DSCAM: variants seen among roughly 807,000 people sequenced by gnomAD.
DSCAM encodes cell adhesion molecule DSCAM.
In DSCAM, 47 loss-of-function variants were observed where a neutral mutation model predicts 217.7. That is an observed-to-expected ratio of 0.22 (90% CI 0.17 to 0.28). The LOEUF is 0.28. DSCAM is among the 10% of genes least tolerant of loss of function. The pLI, the probability that DSCAM is intolerant of heterozygous loss-of-function variation, is 1.00. For missense variants in DSCAM, 2,080 were observed against 2,618.3 expected (o/e 0.79, Z 4.49); for synonymous variants, 1,056 against 1,015.3 (o/e 1.04, Z -0.76).
chr21:40,467,308 A>G (rs563516039), intron 3 of DSCAM, among the ~76,000 whole-genome samples: 86 of 152,332 alleles, frequency 5.6e-4, no homozygotes, highest in African/African-American at 1.9e-3. Context: ...AATCCCCACA[A>G]TCTTCTTAAA....
At position 40,097,723 on chromosome 21, in the gene DSCAM, C is replaced by T. The variant is rs530521456; in HGVS notation, c.3697-3849G>A. Among the ~76,000 whole-genome samples the T allele has an allele frequency of 6.6e-5, 10 of 151,776 alleles. No homozygotes were observed. The South Asian group carries it at 8.3e-4, about 13-fold the overall frequency. On this transcript the variant is annotated intron_variant, in intron 20 of 32. Transcript: ENST00000400454. Reference sequence around the variant, plus strand: ...GTGGGAGGCCGAGGCAGGTGGATCACGAGGTCAGGAGATTAAGACCATCCT... The same window carrying T: ...GTGGGAGGCCGAGGCAGGTGGATCATGAGGTCAGGAGATTAAGACCATCCT...
intron 6 of DSCAM, among the ~76,000 whole-genome samples, chr21:40,346,248 C>T (rs908696525): frequency 2.0e-5 from 3 of 152,206 alleles, no homozygotes; most frequent in African/African-American, 7.2e-5. Context: ...CAGTGTCAGG[C>T]ATTTAATATG....
chr21:40,382,910 T>G (rs933976548), intron 3 of DSCAM, among the ~76,000 whole-genome samples: 1 of 152,224 alleles, frequency 6.6e-6, no homozygotes, highest in Non-Finnish European at 1.5e-5. Context: ...CCAAGTTACC[T>G]AAAAGGCTAA....
At chr21:40,819,387 T>C (rs2091908803) in intron 1 of DSCAM, among the ~76,000 whole-genome samples, 1 of 152,152 alleles carries the variant, frequency 6.6e-6, no homozygotes, top group African/African-American at 2.4e-5. Flanking sequence ...GCAGTCTATG[T>C]CGTCAAAACA....
At chr21:40,191,006 C>G (rs2146834540) in intron 11 of DSCAM, among the ~76,000 whole-genome samples, 1 of 152,328 alleles carries the variant, frequency 6.6e-6, no homozygotes, top group Non-Finnish European at 1.5e-5. Flanking sequence ...CTTTTTATCT[C>G]ATTTCCCCAA....
chr21:40,376,558 C>CT lies in DSCAM; in HGVS notation c.509-7314dup, dbSNP rs1240208582. Among the ~76,000 whole-genome samples the CT allele has an allele frequency of 4.4e-4, 46 of 105,224 alleles. 2 individuals carry two copies. The highest frequency in any genetic ancestry group is 1.5e-3 in the Admixed American group (14 of 9,062). The allele number at this position is 105,224 out of a possible 152,430, so 69.0% of individuals were successfully genotyped here. A position where few individuals can be genotyped will look rare whatever the true frequency, so the allele number is the denominator to read the frequency against. ...ATATCGATATATCTTATATCGATAT[C>CT]TATATATCTTATATCGATATCTATA... On this transcript the variant is annotated intron_variant, in intron 3 of 32. Transcript: ENST00000400454.
At chr21:40,680,999 A>T (rs1183066064) in intron 3 of DSCAM, among the ~76,000 whole-genome samples, 1 of 152,252 alleles carries the variant, frequency 6.6e-6, no homozygotes, top group East Asian at 1.9e-4. Flanking sequence ...TGAAGTTTCA[A>T]CCACAGGTGA....
chr21:40,373,309 G>A (rs1465144966), intron 3 of DSCAM, among the ~76,000 whole-genome samples: 1 of 152,148 alleles, frequency 6.6e-6, no homozygotes, highest in Non-Finnish European at 1.5e-5. Context: ...TGTTATAGGT[G>A]GTCAGGAAAC....
intron 31 of DSCAM, 39 bp from the exon 32 acceptor site, chr21:40,042,712 C>T: frequency 6.4e-7 from 1 of 1,551,832 alleles, no homozygotes; most frequent in Non-Finnish European, 8.7e-7. Flanking sequence ...GACGACTCAC[C>T]ATCAGAAGTC....
At chr21:40,315,497 G>C (rs191508561) in intron 8 of DSCAM, among the ~76,000 whole-genome samples, 2 of 152,010 alleles carry the variant, frequency 1.3e-5, no homozygotes, top group East Asian at 3.9e-4. Flanking sequence ...TAGAATACAG[G>C]AAATATATGC....
At chr21:40,509,395 G>A (rs1481186808) in intron 3 of DSCAM, among the ~76,000 whole-genome samples, 2 of 152,212 alleles carry the variant, frequency 1.3e-5, no homozygotes, top group Admixed American at 1.3e-4. Context: ...TTACACTGGA[G>A]AAATAACGGC....
At chr21:40,666,253 A>C (rs1190816968) in intron 3 of DSCAM, among the ~76,000 whole-genome samples, 1 of 152,170 alleles carries the variant, frequency 6.6e-6, no homozygotes, top group Non-Finnish European at 1.5e-5. Flanking sequence ...AGCTACACCC[A>C]TGCACTGTGC....
chr21:40,519,200 G>A (rs573263858), intron 3 of DSCAM, among the ~76,000 whole-genome samples: 12 of 152,058 alleles, frequency 7.9e-5, no homozygotes, highest in Non-Finnish European at 1.5e-4. Flanking sequence ...AATATATGAC[G>A]GTGAGTGTTA....
intron 3 of DSCAM, among the ~76,000 whole-genome samples, chr21:40,415,451 A>G (rs2075361909): frequency 6.6e-6 from 1 of 152,256 alleles, no homozygotes; most frequent in Non-Finnish European, 1.5e-5. Context: ...TATGAGGTAG[A>G]CAAACTAATG....
intron 1 of DSCAM, among the ~76,000 whole-genome samples, chr21:40,781,992 CAAAAAA>C (rs57750960): frequency 9.4e-6 from 1 of 106,400 alleles, no homozygotes; most frequent in African/African-American, 3.8e-5. Flanking sequence ...ACTAAAAATA[CAAAAAA>C]AAAAAAAAAA....
At chr21:40,521,385 G>T (rs914866942) in intron 3 of DSCAM, among the ~76,000 whole-genome samples, 1 of 152,138 alleles carries the variant, frequency 6.6e-6, no homozygotes, top group Non-Finnish European at 1.5e-5. Context: ...CAGTGTGTAA[G>T]GGTTTCCTTT....
intron 2 of DSCAM, among the ~76,000 whole-genome samples, chr21:40,698,487 T>A (rs902502387): frequency 5.3e-5 from 8 of 152,144 alleles, no homozygotes; most frequent in Admixed American, 2.6e-4. Context: ...AATGAGGAAC[T>A]GGGGGAGGGA....
chr21:40,765,823 G>A (rs1418810437), intron 1 of DSCAM, among the ~76,000 whole-genome samples: 3 of 152,166 alleles, frequency 2.0e-5, no homozygotes, highest in South Asian at 2.1e-4. Context: ...ATCAACAGCC[G>A]CAAAGGGTCT....
chr21:40,180,854 C>A (rs1173044348), intron 14 of DSCAM, among the ~76,000 whole-genome samples: 4 of 151,880 alleles, frequency 2.6e-5, no homozygotes, highest in Non-Finnish European at 5.9e-5. Context: ...ATATGGTGGA[C>A]CTGGGTAGGG....
Sources: allele counts gnomAD v4.1 joint callset (sites outside exome capture counted in the v4.1 genomes callset), GRCh38; gene constraint gnomAD v4.1.1; transcripts MANE v1.5; gene names NCBI Gene and HGNC (gene_info 2026-07-23, HGNC 2026-07-21).